DTNB: variants seen among roughly 807,000 people sequenced by gnomAD.
DTNB encodes the protein DTN-B.
Under a neutral mutation model 90.7 loss-of-function variants are expected in DTNB, and 63 were observed. The observed-to-expected ratio is 0.69, with a 90% CI of 0.57 to 0.86. The LOEUF is 0.86. Ranked by LOEUF, DTNB falls within the 40% of genes least tolerant of loss-of-function variation. The pLI is 0.00. For missense variants in DTNB, 744 were observed against 807.1 expected, an observed-to-expected ratio of 0.92 and a Z score of 0.95; for synonymous variants, 277 against 286.7, an observed-to-expected ratio of 0.97 and a Z score of 0.34.
At chr2:25,431,571 A>C (rs2053857938) in intron 14 of DTNB, among the ~76,000 whole-genome samples, 1 of 152,202 alleles carries the variant, frequency 6.6e-6, no homozygotes, top group African/African-American at 2.4e-5. Flanking sequence ...GCTTCTTGCT[A>C]TCCTATGTGA....
intron 6 of DTNB, among the ~76,000 whole-genome samples, chr2:25,581,934 C>G (rs564902522): frequency 5.9e-5 from 9 of 152,326 alleles, no homozygotes; most frequent in African/African-American, 2.2e-4. Context: ...TCCCACCATT[C>G]AGAGGCAGGG....
At chr2:25,501,567 G>C in intron 9 of DTNB, among the ~76,000 whole-genome samples, 1 of 149,866 alleles carries the variant, frequency 6.7e-6, no homozygotes, top group South Asian at 2.1e-4. Context: ...GTTTCAGACA[G>C]AGTTTCACCA....
At chr2:25,562,204 C>G (rs1469660240) in intron 8 of DTNB, among the ~76,000 whole-genome samples, 1 of 152,140 alleles carries the variant, frequency 6.6e-6, no homozygotes, top group Non-Finnish European at 1.5e-5. Flanking sequence ...CATTTTGTGT[C>G]TGACTTTTTC....
At chr2:25,551,505 TTGGCTGAGCAGC>T (rs1016442163) in intron 8 of DTNB, among the ~76,000 whole-genome samples, 1 of 152,038 alleles carries the variant, frequency 6.6e-6, no homozygotes, top group Non-Finnish European at 1.5e-5. Flanking sequence ...TCTGAAGGAG[TTGGCTGAGCAGC>T]TTCAGGGTCC....
chr2:25,538,898 G>C (rs1205392831), intron 8 of DTNB, among the ~76,000 whole-genome samples: 3 of 152,118 alleles, frequency 2.0e-5, no homozygotes, highest in Non-Finnish European at 4.4e-5. Context: ...CTCCTCTCCT[G>C]ATAATCACTA....
intron 8 of DTNB, among the ~76,000 whole-genome samples, chr2:25,576,351 G>A (rs974150368): frequency 1.0e-4 from 15 of 146,664 alleles, no homozygotes; most frequent in Non-Finnish European, 2.1e-4. Context: ...TCAGCCTCCC[G>A]AGTAGCTGGG....
intron 8 of DTNB, among the ~76,000 whole-genome samples, chr2:25,537,171 A>C (rs1300776381): frequency 6.6e-6 from 1 of 151,660 alleles, no homozygotes; most frequent in African/African-American, 2.4e-5. Context: ...GATTGCTTTT[A>C]CCTACCTAGT....
At chr2:25,549,090 A>C (rs554190468) in intron 8 of DTNB, among the ~76,000 whole-genome samples, 1 of 152,142 alleles carries the variant, frequency 6.6e-6, no homozygotes, top group South Asian at 2.1e-4. Context: ...AATAATATTT[A>C]TTGTTAACTG....
intron 6 of DTNB, among the ~76,000 whole-genome samples, chr2:25,583,867 T>C (rs1406109748): frequency 6.6e-6 from 1 of 152,198 alleles, no homozygotes; most frequent in East Asian, 1.9e-4. Context: ...AGAATTAGAT[T>C]TTGATATCTC....
chr2:25,663,565 T>C (rs2083715640), intron 1 of DTNB, among the ~76,000 whole-genome samples: 1 of 152,232 alleles, frequency 6.6e-6, no homozygotes, highest in Non-Finnish European at 1.5e-5. Flanking sequence ...TTTTAGATCA[T>C]CTACTTTTAG....
intron 9 of DTNB, among the ~76,000 whole-genome samples, chr2:25,522,316 A>G (rs1206736261): frequency 6.6e-6 from 1 of 152,206 alleles, no homozygotes; most frequent in Non-Finnish European, 1.5e-5. Context: ...GCTTTGGGAA[A>G]CTGTAGGTAC....
chr2:25,672,495 C>T (rs1198301383), intron 1 of DTNB, among the ~76,000 whole-genome samples: 1 of 152,044 alleles, frequency 6.6e-6, no homozygotes, highest in Non-Finnish European at 1.5e-5. Flanking sequence ...TCTAAGAGCC[C>T]CCTTTAAATG....
chr2:25,410,979 GA>G (rs1001491212), intron 16 of DTNB, among the ~76,000 whole-genome samples: 16 of 146,910 alleles, frequency 1.1e-4, no homozygotes, highest in Non-Finnish European at 2.1e-4. Flanking sequence ...CTGCTAATCA[GA>G]ATGTATATTC....
At chr2:25,383,052 T>A (rs560793730) in intron 19 of DTNB, among the ~76,000 whole-genome samples, 1 of 152,236 alleles carries the variant, frequency 6.6e-6, no homozygotes, top group African/African-American at 2.4e-5. Flanking sequence ...ACACCTTCCC[T>A]TCTTGGTTTT....
intron 4 of DTNB, among the ~76,000 whole-genome samples, chr2:25,625,315 G>A (rs1485620607): frequency 6.6e-6 from 1 of 152,128 alleles, no homozygotes; most frequent in African/African-American, 2.4e-5. Context: ...ACGACAAAAT[G>A]CCCTGGTTTT....
intron 7 of DTNB, among the ~76,000 whole-genome samples, chr2:25,579,415 T>A (rs1466733975): frequency 6.6e-6 from 1 of 152,220 alleles, no homozygotes; most frequent in African/African-American, 2.4e-5. Flanking sequence ...GTATGGATGT[T>A]TATTTTATTC....
chr2:25,491,708 G>A (rs941934487), intron 9 of DTNB, among the ~76,000 whole-genome samples: 1 of 151,864 alleles, frequency 6.6e-6, no homozygotes, highest in Non-Finnish European at 1.5e-5. Flanking sequence ...TGCTTGGTCT[G>A]TTATTTTTTT....
intron 6 of DTNB, among the ~76,000 whole-genome samples, chr2:25,589,218 T>C (rs2148319459): frequency 6.6e-6 from 1 of 152,248 alleles, no homozygotes. Context: ...ACTGCCTCCG[T>C]GAATCAAGGG....
chr2:25,638,610 T>C (rs1035651007), intron 3 of DTNB, among the ~76,000 whole-genome samples: 3 of 152,234 alleles, frequency 2.0e-5, no homozygotes, highest in Non-Finnish European at 4.4e-5. Context: ...CAATTATTTA[T>C]AGAAAAGGTT....
Sources: gnomAD v4.1 joint callset for allele counts (sites outside exome capture counted in the v4.1 genomes callset) on GRCh38, gnomAD v4.1.1 for gene constraint, MANE v1.5 for transcripts, NCBI Gene and HGNC (gene_info 2026-07-23, HGNC 2026-07-21) for gene names.